The following APPL1 variants were observed in gnomAD, a reference collection of about 807,000 sequenced individuals.
APPL1 encodes DCC-interacting protein 13-alpha.
A neutral mutation model predicts 106.8 loss-of-function variants in APPL1; 42 were observed. The observed-to-expected ratio is 0.39, with a 90% CI of 0.31 to 0.51. The LOEUF is 0.51. Among genes scored for constraint, APPL1 ranks in the 20% least tolerant of loss-of-function variants. The pLI is 0.75. For synonymous variants in APPL1, 263 were observed against 281.8 expected, an observed-to-expected ratio of 0.93 and a Z score of 0.67; for missense variants, 769 against 858.2, an observed-to-expected ratio of 0.90 and a Z score of 1.30.
At chr3:57,255,148 G>C (rs1387312391) in intron 13 of APPL1, among the ~76,000 whole-genome samples, 1 of 152,202 alleles carries the variant, frequency 6.6e-6, no homozygotes, top group African/African-American at 2.4e-5. Context: ...GAACCCAGGG[G>C]TACAGAGAAT....
chr3:57,243,406 A>G (rs2060756879), intron 7 of APPL1, among the ~76,000 whole-genome samples: 4 of 152,228 alleles, frequency 2.6e-5, no homozygotes. Context: ...GAGAGTACAG[A>G]GTATTAACAG....
chr3:57,247,850 C>G (rs879518683), intron 9 of APPL1, among the ~76,000 whole-genome samples: 1 of 152,110 alleles, frequency 6.6e-6, no homozygotes, highest in Non-Finnish European at 1.5e-5. Context: ...CAGTTCTTAT[C>G]AGGTTCAAAA....
intron 13 of APPL1, among the ~76,000 whole-genome samples, chr3:57,254,331 C>CAT (rs2060823700): frequency 6.6e-6 from 1 of 152,238 alleles, no homozygotes; most frequent in Admixed American, 6.5e-5. Flanking sequence ...TGAGCCATGG[C>CAT]CTCTGCCCTC....
chr3:57,261,819 A>G (rs1376082480), intron 19 of APPL1, among the ~76,000 whole-genome samples: 1 of 152,048 alleles, frequency 6.6e-6, no homozygotes, highest in Non-Finnish European at 1.5e-5. Context: ...TACCCGGTCT[A>G]TTTTTAGTTT....
At chr3:57,242,779 C>T in intron 6 of APPL1, 77 bp from the exon 7 acceptor site, 1 of 1,075,366 alleles carries the variant, frequency 9.3e-7, no homozygotes, top group Non-Finnish European at 1.4e-6. Flanking sequence ...GAAAGGTGCA[C>T]ATGTGAAGAC....
chr3:57,238,202 C>T, intron 4 of APPL1, 86 bp downstream of exon 4: 1 of 980,194 alleles, frequency 1.0e-6, no homozygotes, highest in South Asian at 1.7e-5. Context: ...GAATAAAGCT[C>T]TATTAAAGAG....
At chr3:57,237,150 A>G (rs2060720562) in intron 2 of APPL1, among the ~76,000 whole-genome samples, 1 of 152,208 alleles carries the variant, frequency 6.6e-6, no homozygotes, top group African/African-American at 2.4e-5. Context: ...TAGTATCAGC[A>G]TCTACAGAGG....
chr3:57,263,111 A>C (rs2060876144), intron 19 of APPL1, among the ~76,000 whole-genome samples: 1 of 152,118 alleles, frequency 6.6e-6, no homozygotes, highest in Middle Eastern at 3.2e-3. Context: ...TCGGCCTCCC[A>C]AAGTGCTGGG....
chr3:57,265,471 C>CT (rs1476115447), intron 19 of APPL1, among the ~76,000 whole-genome samples: 1 of 152,000 alleles, frequency 6.6e-6, no homozygotes, highest in African/African-American at 2.4e-5. Context: ...TTATAGAGAT[C>CT]TTTCACTTTG....
chr3:57,231,325 C>T (rs763020873), intron 1 of APPL1, among the ~76,000 whole-genome samples: 43 of 115,400 alleles, frequency 3.7e-4, no homozygotes, highest in Non-Finnish European at 5.3e-4. Context: ...GGCAACCGTG[C>T]GAGACTCCGT....
chr3:57,244,410 C>A (rs1272796940), intron 7 of APPL1, among the ~76,000 whole-genome samples: 3 of 152,152 alleles, frequency 2.0e-5, no homozygotes, highest in African/African-American at 4.8e-5. Context: ...CCTGCCTCGG[C>A]CTCCCAAAGT....
chr3:57,247,346 C>A, intron 8 of APPL1, 49 bp from the exon 9 acceptor site: 2 of 1,061,228 alleles, frequency 1.9e-6, no homozygotes, highest in Non-Finnish European at 2.9e-6. Context: ...TTAAGTATTG[C>A]TTAATCTATT....
At chr3:57,248,126 G>T in intron 9 of APPL1, 67 bp from the exon 10 acceptor site, 2 of 1,487,656 alleles carry the variant, frequency 1.3e-6, no homozygotes, top group Non-Finnish European at 1.8e-6. Context: ...AAATATGCAG[G>T]TAAACATGAT....
chr3:57,253,856 G>T (rs1298811285), intron 13 of APPL1, 118 bp downstream of exon 13: 300 of 535,100 alleles, frequency 5.6e-4, no homozygotes, highest in Non-Finnish European at 7.4e-4. Flanking sequence ...GACCTTGAAT[G>T]AGTAGCTTTT....
intron 2 of APPL1, 106 bp from the exon 3 acceptor site, chr3:57,237,386 A>G: frequency 1.3e-6 from 1 of 795,746 alleles, no homozygotes; most frequent in Non-Finnish European, 2.0e-6. Flanking sequence ...TTTAAAAAAC[A>G]TGTACAATAT....
In APPL1 at chr3:57,259,083, A is replaced by G; in HGVS notation, c.1483+3A>G. 6.2e-7 allele frequency: 1 copy of G among 1,610,208 alleles called. No individual in the cohort carries two copies. The highest frequency in any genetic ancestry group is 8.5e-7 in the Non-Finnish European group (1 of 1,177,390). ...AAGTACAAAATCTGAAACTGAAGGT[A>G]AGACAGATGTGCAGCATTCATATAT... is the stretch of plus-strand genomic sequence containing the variant. On this transcript the variant is annotated splice_donor_region_variant and intron_variant, in intron 16 of 21. Transcript: ENST00000288266.
intron 11 of APPL1, among the ~76,000 whole-genome samples, chr3:57,250,743 ACTAT>A (rs895945359): frequency 3.3e-5 from 5 of 151,452 alleles, no homozygotes; most frequent in African/African-American, 1.2e-4. Context: ...AGATGTTTAG[ACTAT>A]CTGCCATTTT....
chr3:57,250,606 C>A (rs1237409028), intron 11 of APPL1, among the ~76,000 whole-genome samples: 1 of 152,094 alleles, frequency 6.6e-6, no homozygotes, highest in Non-Finnish European at 1.5e-5. Context: ...AACTTAAGTA[C>A]ATTTTTAAAA....
At chr3:57,244,618 G>A (rs2060763406) in intron 7 of APPL1, among the ~76,000 whole-genome samples, 1 of 152,170 alleles carries the variant, frequency 6.6e-6, no homozygotes, top group Non-Finnish European at 1.5e-5. Context: ...TGACAATAAA[G>A]GAAATGTTAG....
Sources: gnomAD v4.1 joint callset for allele counts (sites outside exome capture counted in the v4.1 genomes callset) on GRCh38, gnomAD v4.1.1 for gene constraint, MANE v1.5 for transcripts, NCBI Gene and HGNC (gene_info 2026-07-23, HGNC 2026-07-21) for gene names.